CAMTA1: variants seen among roughly 807,000 people sequenced by gnomAD.
The protein encoded by CAMTA1 is calmodulin-binding transcription activator 1.
In CAMTA1, 27 loss-of-function variants were observed where a neutral mutation model predicts 170.9. That is an observed-to-expected ratio of 0.16 (90% CI 0.12 to 0.22). The LOEUF (loss-of-function observed/expected upper bound fraction) is 0.22, where lower values mean the gene tolerates loss of function less well. CAMTA1 is among the 10% of genes least tolerant of loss of function. The pLI, the probability that CAMTA1 is intolerant of heterozygous loss-of-function variation, is 1.00. For missense variants in CAMTA1, 1,619 were observed against 2,217.2 expected, an observed-to-expected ratio of 0.73 and a Z score of 5.42; for synonymous variants, 833 against 891.5, an observed-to-expected ratio of 0.93 and a Z score of 1.17.
At chr1:7,370,914 C>CTTTTTTTTTTT (rs61387662) in intron 5 of CAMTA1, among the ~76,000 whole-genome samples, 2,266 of 109,858 alleles carry the variant, frequency 0.021, 26 homozygotes, top group Non-Finnish European at 0.027. Flanking sequence ...TTCTTTCTTT[C>CTTTTTTTTTTT]TTTTTTTTTT....
chr1:6,821,586 T>G (rs928090468), intron 2 of CAMTA1, among the ~76,000 whole-genome samples: 1 of 152,134 alleles, frequency 6.6e-6, no homozygotes, highest in African/African-American at 2.4e-5. Flanking sequence ...GTCTAGAGTT[T>G]GAAAGATTAA....
chr1:7,285,679 G>A (rs1015102301), intron 5 of CAMTA1, among the ~76,000 whole-genome samples: 1 of 152,156 alleles, frequency 6.6e-6, no homozygotes, highest in African/African-American at 2.4e-5. Flanking sequence ...AGGGGAACTC[G>A]GCGCACAGGT....
intron 5 of CAMTA1, among the ~76,000 whole-genome samples, chr1:7,332,870 C>A (rs1041475550): frequency 3.3e-5 from 5 of 152,294 alleles, no homozygotes; most frequent in Non-Finnish European, 1.5e-5. Flanking sequence ...TTGCAACCCC[C>A]ATGGTTGCAC....
At chr1:7,758,762 C>T (rs1359816335) in intron 22 of CAMTA1, among the ~76,000 whole-genome samples, 2 of 151,868 alleles carry the variant, frequency 1.3e-5, no homozygotes, top group Admixed American at 1.3e-4. Flanking sequence ...GGTGAAACCC[C>T]GTCTCTACTG....
At chr1:7,567,700 A>G (rs1255642135) in intron 6 of CAMTA1, among the ~76,000 whole-genome samples, 1 of 152,218 alleles carries the variant, frequency 6.6e-6, no homozygotes, top group East Asian at 1.9e-4. Flanking sequence ...GAGAGCCTAT[A>G]GTGGCTGTGG....
At chr1:7,317,561 A>C (rs1295070657) in intron 5 of CAMTA1, among the ~76,000 whole-genome samples, 1 of 152,236 alleles carries the variant, frequency 6.6e-6, no homozygotes, top group African/African-American at 2.4e-5. Context: ...GGGCTTTGAA[A>C]ATGAGCTGGC....
intron 3 of CAMTA1, among the ~76,000 whole-genome samples, chr1:7,070,795 C>T (rs1572839430): frequency 1.3e-5 from 2 of 152,354 alleles, no homozygotes; most frequent in Middle Eastern, 6.8e-3. Context: ...AGTGTTTTCT[C>T]AGCATGGAGA....
chr1:6,860,095 TTTAAAA>T (rs548788614), intron 3 of CAMTA1, among the ~76,000 whole-genome samples: 2 of 152,310 alleles, frequency 1.3e-5, no homozygotes, highest in East Asian at 3.9e-4. Flanking sequence ...CTGTTTTTCT[TTTAAAA>T]GAAGTATGTA....
chr1:7,740,069 G>A (rs1260980685), intron 16 of CAMTA1, among the ~76,000 whole-genome samples: 1 of 152,132 alleles, frequency 6.6e-6, no homozygotes, highest in Admixed American at 6.6e-5. Flanking sequence ...CACAACACAT[G>A]GGAATTATGG....
chr1:7,700,339 T>C (rs1198755972), intron 11 of CAMTA1, among the ~76,000 whole-genome samples: 3 of 152,258 alleles, frequency 2.0e-5, no homozygotes, highest in African/African-American at 7.2e-5. Context: ...AAATATTTTC[T>C]ATTTCTTCAA....
At chr1:7,238,838 G>A (rs1664356495) in intron 4 of CAMTA1, among the ~76,000 whole-genome samples, 1 of 152,168 alleles carries the variant, frequency 6.6e-6, no homozygotes, top group Non-Finnish European at 1.5e-5. Context: ...AGCCAAGATA[G>A]TACCATTGCA....
Position 7,044,806 on chromosome 1 carries a change from C to G in CAMTA1, c.235-46498C>G, listed in dbSNP as rs926864173. On this transcript the variant is annotated intron_variant, in intron 3 of 22. Coordinates refer to ENST00000303635, the MANE Select transcript of CAMTA1 (RefSeq NM_015215.4). The surrounding 1 kb of genome is among the most constrained non-coding windows in gnomAD (Gnocchi z 5.0). ...ATCTTTCCCCCTCACGTCCTCTCCCCCACTCCCTCCTCTTCCCGCCTGTGG... is the reference window on the plus strand; with the variant it reads ...ATCTTTCCCCCTCACGTCCTCTCCCGCACTCCCTCCTCTTCCCGCCTGTGG... Among the ~76,000 whole-genome samples the G allele has an allele frequency of 1.2e-4, 18 of 151,290 alleles. No individual in the cohort carries two copies. Among genetic ancestry groups the G allele is most frequent in the African/African-American group, 3.2e-4 (13 of 41,220 alleles).
chr1:7,422,122 G>T (rs1197820566), intron 5 of CAMTA1, among the ~76,000 whole-genome samples: 1 of 152,162 alleles, frequency 6.6e-6, no homozygotes, highest in East Asian at 1.9e-4. Context: ...GTCTGAAGGG[G>T]CAGAGTGGGA....
chr1:7,297,193 A>G (rs1574501407), intron 5 of CAMTA1, among the ~76,000 whole-genome samples: 2 of 152,224 alleles, frequency 1.3e-5, no homozygotes, highest in East Asian at 3.8e-4. Flanking sequence ...TCTCTATTCT[A>G]GATATTTTAG....
intron 1 of CAMTA1, among the ~76,000 whole-genome samples, chr1:6,811,330 C>T (rs1054239463): frequency 6.6e-6 from 1 of 152,162 alleles, no homozygotes; most frequent in Non-Finnish European, 1.5e-5. Flanking sequence ...ATTTAACTTA[C>T]ATTTTCCTTA....
chr1:7,566,192 T>C (rs1156848182), intron 6 of CAMTA1, among the ~76,000 whole-genome samples: 1 of 152,160 alleles, frequency 6.6e-6, no homozygotes, highest in African/African-American at 2.4e-5. Context: ...AGACAAGGGA[T>C]CTGGTGCGAG....
chr1:7,131,066 G>A lies in CAMTA1; in HGVS notation c.302+39695G>A, dbSNP rs1297823476. Among the ~76,000 whole-genome samples the A allele has an allele frequency of 4.0e-5, 6 of 151,678 alleles. No homozygotes were observed. In the East Asian group the frequency reaches 5.8e-4, roughly 15 times the overall value. On this transcript the variant is annotated intron_variant, in intron 4 of 22. Transcript: ENST00000303635. The stretch of plus-strand genomic sequence containing the variant: ...CCTCCCGGGTTCAAGCGATTCTCCT[G>A]CCTCAGCCTCCTAAGTAACTGGGAC...
intron 6 of CAMTA1, among the ~76,000 whole-genome samples, chr1:7,495,173 A>G (rs937907992): frequency 1.3e-5 from 2 of 152,230 alleles, no homozygotes; most frequent in African/African-American, 4.8e-5. Flanking sequence ...CCTAATAATT[A>G]TCTCCAACCA....
chr1:7,572,340 T>G (rs903392339), intron 6 of CAMTA1, among the ~76,000 whole-genome samples: 1 of 152,244 alleles, frequency 6.6e-6, no homozygotes, highest in Admixed American at 6.5e-5. Flanking sequence ...GCTCTTTAGT[T>G]TAATTAGATC....
Sources: allele counts gnomAD v4.1 joint callset (sites outside exome capture counted in the v4.1 genomes callset), GRCh38; gene constraint gnomAD v4.1.1; non-coding constraint Gnocchi (gnomAD v3.1); transcripts MANE v1.5; gene names NCBI Gene and HGNC (gene_info 2026-07-23, HGNC 2026-07-21).